CPNE8: variants seen among roughly 807,000 people sequenced by gnomAD.
The protein encoded by CPNE8 is copine-8.
Under a neutral mutation model 81.5 loss-of-function variants are expected in CPNE8, and 45 were observed. That is an observed-to-expected ratio of 0.55 (90% CI 0.44 to 0.71). The LOEUF is 0.71. Ranked by LOEUF, CPNE8 falls within the 30% of genes least tolerant of loss-of-function variation. The pLI, the probability that CPNE8 is intolerant of heterozygous loss-of-function variation, is 0.00. For missense variants in CPNE8, 594 were observed against 672.1 expected, an observed-to-expected ratio of 0.88 and a Z score of 1.28; for synonymous variants, 252 against 226.3, an observed-to-expected ratio of 1.11 and a Z score of -1.02.
intron 6 of CPNE8, among the ~76,000 whole-genome samples, chr12:38,796,727 C>T (rs1230946535): frequency 6.6e-6 from 1 of 152,006 alleles, no homozygotes; most frequent in Admixed American, 6.6e-5. Context: ...CATGTCCAAG[C>T]CAAAGCAGGG....
chr12:38,890,271 A>T (rs1234215947), intron 1 of CPNE8, among the ~76,000 whole-genome samples: 2 of 152,198 alleles, frequency 1.3e-5, no homozygotes, highest in Non-Finnish European at 2.9e-5. Context: ...GGCTAAATAT[A>T]ATCAACTGAG....
At chr12:38,656,367 T>C (rs1398430894) in intron 19 of CPNE8, among the ~76,000 whole-genome samples, 1 of 150,112 alleles carries the variant, frequency 6.7e-6, no homozygotes, top group African/African-American at 2.5e-5. Flanking sequence ...TTTTTGAAAA[T>C]GTATGTAGCT....
At chr12:38,679,795 ATTTAG>A (rs1939371286) in intron 16 of CPNE8, 1 of 547,120 alleles carries the variant, frequency 1.8e-6, no homozygotes, top group Non-Finnish European at 2.3e-6. Context: ...ATTTCTTCTC[ATTTAG>A]TTATTTTAAA....
upstream of CPNE8, chr12:38,906,101 T>C: frequency 1.0e-6 from 1 of 986,296 alleles, no homozygotes; most frequent in Non-Finnish European, 1.2e-6. Context: ...CGTTCCTAAC[T>C]GCCCCGTTAT....
intron 3 of CPNE8, among the ~76,000 whole-genome samples, chr12:38,864,890 T>C (rs1943893128): frequency 6.6e-6 from 1 of 152,176 alleles, no homozygotes; most frequent in Admixed American, 6.5e-5. Flanking sequence ...TGAACTTTTG[T>C]TCATCAAAAT....
At chr12:38,724,606 A>G (rs896440111) in intron 12 of CPNE8, among the ~76,000 whole-genome samples, 1 of 152,156 alleles carries the variant, frequency 6.6e-6, no homozygotes, top group African/African-American at 2.4e-5. Flanking sequence ...CCTCTCTCAG[A>G]GGCCTTGCAG....
chr12:38,740,351 C>T (rs1426657865), intron 10 of CPNE8, among the ~76,000 whole-genome samples: 1 of 152,134 alleles, frequency 6.6e-6, no homozygotes, highest in Admixed American at 6.6e-5. Flanking sequence ...CAAACAGGGA[C>T]ATTTGACTTC....
intron 14 of CPNE8, 47 bp downstream of exon 14, chr12:38,702,828 C>T: frequency 1.8e-6 from 2 of 1,108,782 alleles, no homozygotes; most frequent in African/African-American, 1.6e-5. Flanking sequence ...ATTTATTTTT[C>T]ATGTAATTGC....
intron 6 of CPNE8, among the ~76,000 whole-genome samples, chr12:38,797,665 G>C (rs1942526455): frequency 6.6e-6 from 1 of 152,150 alleles, no homozygotes; most frequent in African/African-American, 2.4e-5. Flanking sequence ...AAGGAACCCA[G>C]TTCCTCACCA....
chr12:38,677,647 T>A, intron 16 of CPNE8, 93 bp from the exon 17 acceptor site: 1 of 725,472 alleles, frequency 1.4e-6, no homozygotes. Flanking sequence ...AACATTTTAA[T>A]CTCAATAAAA....
chr12:38,826,940 C>G (rs533434380), intron 6 of CPNE8, among the ~76,000 whole-genome samples: 1 of 148,762 alleles, frequency 6.7e-6, no homozygotes, highest in South Asian at 2.1e-4. Context: ...GAGGCCGAGG[C>G]GGGCAGATCA....
chr12:38,854,937 A>G (rs937722139), intron 3 of CPNE8, among the ~76,000 whole-genome samples: 1 of 152,154 alleles, frequency 6.6e-6, no homozygotes, highest in African/African-American at 2.4e-5. Context: ...AAAGGCATGC[A>G]AATTGGAAAG....
At chr12:38,690,568 AGACT>A (rs1939650915) in intron 15 of CPNE8, among the ~76,000 whole-genome samples, 2 of 152,314 alleles carry the variant, frequency 1.3e-5, no homozygotes, top group South Asian at 2.1e-4. Context: ...CTCAAAGAAC[AGACT>A]ATGGTGTAAA....
intron 16 of CPNE8, among the ~76,000 whole-genome samples, chr12:38,684,973 C>T (rs1293378885): frequency 1.3e-5 from 2 of 152,092 alleles, no homozygotes; most frequent in Non-Finnish European, 2.9e-5. Flanking sequence ...ATATTCTGAT[C>T]TCAGTACTAT....
At chr12:38,758,244 C>T (rs139642324) in intron 10 of CPNE8, among the ~76,000 whole-genome samples, 1 of 152,034 alleles carries the variant, frequency 6.6e-6, no homozygotes, top group Non-Finnish European at 1.5e-5. Flanking sequence ...GTCCTTTCAA[C>T]GTCTGTTAGG....
At chr12:38,734,019 C>CT (rs2136773526) in intron 10 of CPNE8, among the ~76,000 whole-genome samples, 1 of 98,378 alleles carries the variant, frequency 1.0e-5, no homozygotes, top group Non-Finnish European at 2.3e-5. Context: ...TTGCTTCATT[C>CT]CCTTTTTTGC....
At chr12:38,707,616 A>C (rs567474788) in intron 13 of CPNE8, among the ~76,000 whole-genome samples, 2 of 152,308 alleles carry the variant, frequency 1.3e-5, no homozygotes, top group East Asian at 3.9e-4. Context: ...ATTATGGTGC[A>C]ACAGAGACAC....
At chr12:38,836,528 G>A (rs543437582) in intron 5 of CPNE8, among the ~76,000 whole-genome samples, 11 of 151,746 alleles carry the variant, frequency 7.2e-5, no homozygotes, top group East Asian at 3.9e-4. Context: ...CAAAATTATC[G>A]GAAAAGAGAA....
chr12:38,675,600 C>A, intron 18 of CPNE8, 117 bp downstream of exon 18: 1 of 683,730 alleles, frequency 1.5e-6, no homozygotes, highest in Non-Finnish European at 2.6e-6. Context: ...ACATTATATA[C>A]AAACCCAAAT....
Sources: gnomAD v4.1 joint callset for allele counts (sites outside exome capture counted in the v4.1 genomes callset) on GRCh38, gnomAD v4.1.1 for gene constraint, MANE v1.5 for transcripts, NCBI Gene and HGNC (gene_info 2026-07-23, HGNC 2026-07-21) for gene names.